CDH12: variants seen among roughly 807,000 people sequenced by gnomAD.
CDH12 encodes the protein cadherin 12, also known as cadherin-12.
A neutral mutation model predicts 74.1 loss-of-function variants in CDH12; 41 were observed. The observed-to-expected ratio is 0.55, with a 90% CI of 0.43 to 0.72. The LOEUF (loss-of-function observed/expected upper bound fraction) is 0.72. Among genes scored for constraint, CDH12 ranks in the 30% least tolerant of loss-of-function variants. The probability of loss-of-function intolerance (pLI) is 0.00; values close to 1 mark genes in which losing one functional copy is unlikely to be tolerated. For missense variants in CDH12, 945 were observed against 977.2 expected, an observed-to-expected ratio of 0.97 and a Z score of 0.44; for synonymous variants, 399 against 355.0, an observed-to-expected ratio of 1.12 and a Z score of -1.39.
chr5:22,444,118 C>T (rs1261245), intron 2 of CDH12, among the ~76,000 whole-genome samples: 72,868 of 151,700 alleles, frequency 0.48, 17,886 homozygotes, highest in Admixed American at 0.65. Flanking sequence ...GTTAAAATTA[C>T]ACAACTTGAA....
intron 1 of CDH12, among the ~76,000 whole-genome samples, chr5:22,649,350 ACT>A (rs1739608985): frequency 6.6e-6 from 1 of 151,984 alleles, no homozygotes; most frequent in Non-Finnish European, 1.5e-5. Flanking sequence ...GCTAGGCAGA[ACT>A]CTGACTCAGA....
intron 11 of CDH12, among the ~76,000 whole-genome samples, chr5:21,775,590 C>T (rs1561173673): frequency 6.6e-6 from 1 of 152,060 alleles, no homozygotes. Context: ...ATAGCTATGC[C>T]TTTGCTTAAA....
chr5:21,852,705 T>C (rs887413034), intron 7 of CDH12, among the ~76,000 whole-genome samples: 3 of 151,488 alleles, frequency 2.0e-5, no homozygotes, highest in African/African-American at 7.2e-5. Flanking sequence ...TCACCTACTT[T>C]ATAGAATTTA....
chr5:22,233,305 A>AAAAT (rs1554022820), intron 3 of CDH12, among the ~76,000 whole-genome samples: 5 of 151,132 alleles, frequency 3.3e-5, no homozygotes, highest in African/African-American at 1.2e-4. Context: ...AAGCAAAAAA[A>AAAAT]ATATATATAT....
At chr5:22,791,770 G>A (rs1220720376) in intron 1 of CDH12, among the ~76,000 whole-genome samples, 1 of 152,144 alleles carries the variant, frequency 6.6e-6, no homozygotes, top group African/African-American at 2.4e-5. Context: ...AGTGAAGAAT[G>A]CCAGACACTG....
chr5:22,807,425 A>G (rs1361195349), intron 1 of CDH12, among the ~76,000 whole-genome samples: 1 of 152,202 alleles, frequency 6.6e-6, no homozygotes, highest in Non-Finnish European at 1.5e-5. Flanking sequence ...AGACATAATA[A>G]TAGAGGGAGC....
chr5:22,484,636 T>A (rs531065403), intron 2 of CDH12, among the ~76,000 whole-genome samples: 3 of 152,166 alleles, frequency 2.0e-5, no homozygotes, highest in African/African-American at 7.2e-5. Flanking sequence ...TAACAATATA[T>A]GTACTAAATC....
At chr5:21,955,647 C>A (rs911534788) in intron 6 of CDH12, among the ~76,000 whole-genome samples, 23 of 151,880 alleles carry the variant, frequency 1.5e-4, no homozygotes, top group African/African-American at 5.6e-4. Context: ...AGAAAGAAAC[C>A]AAAACCCAAG....
intron 1 of CDH12, among the ~76,000 whole-genome samples, chr5:22,838,622 C>A (rs553552986): frequency 4.7e-5 from 7 of 150,040 alleles, no homozygotes; most frequent in Middle Eastern, 3.5e-3. Flanking sequence ...AGGTAATATT[C>A]ATTTCTTAAA....
Position 22,810,341 on chromosome 5 carries a change from A to C in CDH12, c.-523+42717T>G, listed in dbSNP as rs552908968. ...CCTAAACAATAGGAAGTTTAAGGGC[A>C]AGTAATGAAGATAAAATGTAGAAAT... On this transcript the variant is annotated intron_variant, in intron 1 of 14. Transcript: ENST00000382254. Among the ~76,000 whole-genome samples, 183 of 152,356 alleles carry C rather than the reference A, an allele frequency of 1.2e-3. 1 individual carries two copies. The highest frequency in any genetic ancestry group is 6.8e-3 in the Middle Eastern group (2 of 294).
chr5:22,429,884 C>T (rs191626212), intron 2 of CDH12, among the ~76,000 whole-genome samples: 309 of 152,210 alleles, frequency 2.0e-3, no homozygotes, highest in African/African-American at 6.8e-3. Context: ...AAAGTCATAG[C>T]ATCTTTGAAT....
intron 1 of CDH12, among the ~76,000 whole-genome samples, chr5:22,791,047 A>C (rs919825915): frequency 6.6e-6 from 1 of 152,236 alleles, no homozygotes; most frequent in Non-Finnish European, 1.5e-5. Flanking sequence ...ATACAGGCTG[A>C]TGGCTGTATG....
intron 4 of CDH12, among the ~76,000 whole-genome samples, chr5:22,198,236 A>C (rs1253191360): frequency 6.6e-6 from 1 of 151,988 alleles, no homozygotes; most frequent in Non-Finnish European, 1.5e-5. Flanking sequence ...TCTGTCAGTC[A>C]CCCCAAAAAC....
intron 1 of CDH12, among the ~76,000 whole-genome samples, chr5:22,769,056 T>TA (rs1746671399): frequency 6.6e-6 from 1 of 152,132 alleles, no homozygotes; most frequent in Admixed American, 6.6e-5. Flanking sequence ...ATGCACAACT[T>TA]AAAGCTTTTT....
intron 1 of CDH12, among the ~76,000 whole-genome samples, chr5:22,683,573 C>T (rs1424022530): frequency 1.3e-5 from 2 of 152,280 alleles, no homozygotes; most frequent in Non-Finnish European, 2.9e-5. Context: ...TTCACTGCAA[C>T]ACATTTTTTT....
chr5:22,368,154 T>C (rs999405183), intron 3 of CDH12, among the ~76,000 whole-genome samples: 2 of 152,138 alleles, frequency 1.3e-5, no homozygotes, highest in African/African-American at 4.8e-5. Flanking sequence ...TCAGCAGTTA[T>C]TATTTAAACA....
chr5:22,409,079 C>A (rs1743072871), intron 2 of CDH12, among the ~76,000 whole-genome samples: 1 of 151,886 alleles, frequency 6.6e-6, no homozygotes, highest in African/African-American at 2.4e-5. Flanking sequence ...TTAGGGATCC[C>A]CTGCAAATAT....
At chr5:22,679,918 G>T (rs1554058494) in intron 1 of CDH12, among the ~76,000 whole-genome samples, 1 of 152,098 alleles carries the variant, frequency 6.6e-6, no homozygotes, top group Non-Finnish European at 1.5e-5. Context: ...GTAGAGGTCT[G>T]ATATAACACC....
intron 6 of CDH12, among the ~76,000 whole-genome samples, chr5:21,874,501 A>G (rs947008261): frequency 3.3e-5 from 5 of 152,212 alleles, no homozygotes; most frequent in African/African-American, 9.6e-5. Context: ...CCAATCATCT[A>G]TCGCCTAAAA....
Sources: allele counts gnomAD v4.1 joint callset (sites outside exome capture counted in the v4.1 genomes callset), GRCh38; gene constraint gnomAD v4.1.1; transcripts MANE v1.5; gene names NCBI Gene and HGNC (gene_info 2026-07-23, HGNC 2026-07-21).